TRIM2: variants seen among roughly 807,000 people sequenced by gnomAD.
TRIM2 encodes the protein tripartite motif containing 2, also known as tripartite motif-containing protein 2.
TRIM2 carries 20 observed loss-of-function variants against 75.2 expected under a neutral mutation model. The ratio of observed to expected loss-of-function variants is 0.27; its 90% CI spans 0.19 to 0.39. The LOEUF is 0.39. Among genes scored for constraint, TRIM2 ranks in the 10% least tolerant of loss-of-function variants. The pLI, the probability that TRIM2 is intolerant of heterozygous loss-of-function variation, is 1.00. For missense variants in TRIM2, 660 were observed against 990.8 expected (o/e 0.67, Z 4.48); for synonymous variants, 373 against 388.3 (o/e 0.96, Z 0.46).
At position 153,315,825 on chromosome 4, in the gene TRIM2, C is replaced by G. The variant is rs201299149; in HGVS notation, c.1615-7C>G. The stretch of plus-strand genomic sequence containing the variant: ...TCACATTCCAATGAATGTAATTTAT[C>G]TTACAGATATTTTCCAATGATGGCC... On this transcript the variant is annotated splice_polypyrimidine_tract_variant and splice_region_variant and intron_variant, in intron 7 of 11. Transcript: ENST00000338700. The G allele has an allele frequency of 3.1e-5, 50 of 1,614,064 alleles. No homozygotes were observed. The East Asian group carries it at 6.2e-4, about 20-fold the overall frequency.
In TRIM2 at chr4:153,174,277, C is replaced by A. The variant is rs549488386; in HGVS notation, c.-49+21007C>A. Among the ~76,000 whole-genome samples the A allele has an allele frequency of 1.7e-4, 26 of 151,900 alleles. No individual in the cohort carries two copies. In the Middle Eastern group the frequency reaches 0.01, roughly 60 times the overall value. ...AGAAGTGTAAGAACGGTGGCCCCCC[C>A]TGAAAGTGTGGCTGATGCATTCCAT... is the stretch of plus-strand genomic sequence containing the variant. On this transcript the variant is annotated intron_variant, in intron 1 of 11. Transcript: ENST00000437508.
At chr4:153,237,859 C>A (rs1745446267) in intron 1 of TRIM2, among the ~76,000 whole-genome samples, 1 of 151,170 alleles carries the variant, frequency 6.6e-6, no homozygotes, top group African/African-American at 2.4e-5. Context: ...ATCTTTTTTT[C>A]AAAAAAACAG....
In TRIM2 at chr4:153,335,658, T is replaced by A. The variant is rs1169783132; in HGVS notation, c.*692T>A. On this transcript the variant is annotated 3_prime_UTR_variant, in exon 12 of 12. Coordinates refer to ENST00000338700, the MANE Select transcript of TRIM2 (RefSeq NM_015271.5). ...GCTCACCTTGTATCAGCAAACAAAG[T>A]ACTTCTTCAGGGAAACCTGAAATTT... 1 of 985,422 alleles carries A rather than the reference T, an allele frequency of 1.0e-6. No individual in the cohort carries two copies. Among genetic ancestry groups the A allele is most frequent in the Non-Finnish European group, 1.2e-6 (1 of 829,932 alleles). 61.0% of individuals were successfully genotyped at this position (985,422 alleles called of 1,614,324 possible).
chr4:153,260,688 CCA>C (rs1753207018), intron 1 of TRIM2, among the ~76,000 whole-genome samples: 2 of 36,106 alleles, frequency 5.5e-5, no homozygotes, highest in Admixed American at 2.7e-4. Context: ...ACCCACACAC[CCA>C]CCCCCCCCCC....
intron 6 of TRIM2, chr4:153,310,371 T>C (rs1766004029): frequency 6.6e-6 from 1 of 152,184 alleles, no homozygotes. Flanking sequence ...TTTCTACAAA[T>C]GAAACAGAAT....
chr4:153,193,192 C>T (rs1048884353), intron 1 of TRIM2, among the ~76,000 whole-genome samples: 7 of 134,028 alleles, frequency 5.2e-5, no homozygotes, highest in Non-Finnish European at 7.6e-5. Flanking sequence ...AATGAAGTGT[C>T]GCGATCTCAG....
rs183535147 is a variant in TRIM2, at chr4:153,177,456, G to A, written c.-49+24186G>A. Among the ~76,000 whole-genome samples, 100 of 152,246 alleles carry A rather than the reference G, an allele frequency of 6.6e-4. 1 individual carries two copies. Among genetic ancestry groups the A allele is most frequent in the African/African-American group, 2.4e-3 (99 of 41,546 alleles). On this transcript the variant is annotated intron_variant, in intron 1 of 11. Coordinates refer to the TRIM2 transcript ENST00000437508. ...GGATCAGGAGTTTGAGACCAGCCTGGCCAACATGGTGAAACCCCGTCTCTA... is the reference window on the plus strand; with the variant it reads ...GGATCAGGAGTTTGAGACCAGCCTGACCAACATGGTGAAACCCCGTCTCTA...
chr4:153,170,642 C>T (rs909469986), intron 1 of TRIM2, among the ~76,000 whole-genome samples: 3 of 152,182 alleles, frequency 2.0e-5, no homozygotes, highest in African/African-American at 4.8e-5. Flanking sequence ...GGAGCTTTTA[C>T]TCCTCTTGGG....
At chr4:153,256,931 T>TGTTTGTTTTTG (rs1338213167) in intron 1 of TRIM2, among the ~76,000 whole-genome samples, 39 of 152,336 alleles carry the variant, frequency 2.6e-4, no homozygotes, top group African/African-American at 8.9e-4. Flanking sequence ...GTTTGTTTTT[T>TGTTTGTTTTTG]GCATTTAAAA....
chr4:153,196,292 C>T (rs1238424061), intron 1 of TRIM2, among the ~76,000 whole-genome samples: 2 of 150,746 alleles, frequency 1.3e-5, no homozygotes, highest in Non-Finnish European at 2.9e-5. Flanking sequence ...CACACACAAA[C>T]TGGGTGCAGT....
At chr4:153,237,147 G>A (rs1177255945) in intron 1 of TRIM2, among the ~76,000 whole-genome samples, 5 of 152,080 alleles carry the variant, frequency 3.3e-5, no homozygotes, top group African/African-American at 1.2e-4. Context: ...TTTGGGGGTT[G>A]GGGTGTGGGA....
chr4:153,293,215 T>G, intron 4 of TRIM2, 82 bp downstream of exon 4: 1 of 1,351,798 alleles, frequency 7.4e-7, no homozygotes, highest in Non-Finnish European at 1.0e-6. Flanking sequence ...GGTACAAGAG[T>G]AGGTTCATAT....
chr4:153,241,092 C>A (rs1355015402), intron 1 of TRIM2, among the ~76,000 whole-genome samples: 6 of 152,030 alleles, frequency 3.9e-5, no homozygotes, highest in Non-Finnish European at 8.8e-5. Flanking sequence ...AACAAACAAA[C>A]AAAAAAACCT....
At chr4:153,165,222 A>G (rs1256780117) in intron 1 of TRIM2, among the ~76,000 whole-genome samples, 2 of 152,194 alleles carry the variant, frequency 1.3e-5, no homozygotes, top group Admixed American at 6.5e-5. Context: ...AGAACCCCAT[A>G]TCTTTTCCTT....
chr4:153,253,209 C>T (rs1006833165), intron 1 of TRIM2, among the ~76,000 whole-genome samples: 5 of 152,150 alleles, frequency 3.3e-5, no homozygotes, highest in Non-Finnish European at 5.9e-5. Flanking sequence ...GCAGGAGAGG[C>T]TGAGAGTGTT....
chr4:153,236,655 G>A (rs571507761), intron 1 of TRIM2, among the ~76,000 whole-genome samples: 1 of 130,226 alleles, frequency 7.7e-6, no homozygotes, highest in East Asian at 2.0e-4. Context: ...TGAGGATTGT[G>A]TCTTTTTCTT....
At position 153,304,901 on chromosome 4, in the gene TRIM2, C is replaced by G. The variant is rs550570116; in HGVS notation, c.1510+8865C>G. 8.5e-5 allele frequency among the ~76,000 whole-genome samples: 13 copies of G among 152,312 alleles called. No individual in the cohort carries two copies. The South Asian group carries it at 1.9e-3, about 22-fold the overall frequency. The stretch of plus-strand genomic sequence containing the variant: ...GTGTAGTGACTTACTAAGATATTTA[C>G]TTTCCAGAGAACCTGGAGGCATTAT... On this transcript the variant is annotated intron_variant, in intron 6 of 11. Coordinates refer to ENST00000338700, the MANE Select transcript of TRIM2 (RefSeq NM_015271.5).
chr4:153,191,146 T>G (rs1417401354), intron 1 of TRIM2, among the ~76,000 whole-genome samples: 1 of 152,240 alleles, frequency 6.6e-6, no homozygotes, highest in African/African-American at 2.4e-5. Flanking sequence ...TACAGATGAT[T>G]AAAGCTGGTG....
chr4:153,323,450 G>T (rs1769439210), intron 9 of TRIM2, among the ~76,000 whole-genome samples: 1 of 152,118 alleles, frequency 6.6e-6, no homozygotes, highest in East Asian at 1.9e-4. Flanking sequence ...ATGTCACCCA[G>T]AATTATAGTG....
Sources: allele counts gnomAD v4.1 joint callset (sites outside exome capture counted in the v4.1 genomes callset), GRCh38; gene constraint gnomAD v4.1.1; transcripts MANE v1.5; gene names NCBI Gene and HGNC (gene_info 2026-07-23, HGNC 2026-07-21).